Variants in PBX1 observed in about 807,000 individuals in gnomAD.
PBX1 encodes pre-B-cell leukemia transcription factor 1.
In PBX1, 6 loss-of-function variants were observed where a neutral mutation model predicts 53.4. The ratio of observed to expected loss-of-function variants is 0.11; its 90% CI spans 0.06 to 0.22. The LOEUF (loss-of-function observed/expected upper bound fraction) is 0.22, where lower values mean the gene tolerates loss of function less well. Ranked by LOEUF, PBX1 falls within the 10% of genes least tolerant of loss-of-function variation. The pLI is 1.00. For synonymous variants in PBX1, 204 were observed against 212.3 expected (o/e 0.96, Z 0.34); for missense variants, 251 against 551.4 (o/e 0.46, Z 5.46).
At chr1:164,629,679 T>C (rs1357511925) in intron 2 of PBX1, among the ~76,000 whole-genome samples, 1 of 152,228 alleles carries the variant, frequency 6.6e-6, no homozygotes, top group African/African-American at 2.4e-5. Context: ...ATTTGAAAGA[T>C]TTTACTGTCA....
At chr1:164,566,582 T>C (rs1653448612) in intron 2 of PBX1, among the ~76,000 whole-genome samples, 1 of 152,180 alleles carries the variant, frequency 6.6e-6, no homozygotes, top group Admixed American at 6.5e-5. Flanking sequence ...GTTTTGCATA[T>C]GTGTATATAT....
chr1:164,632,856 G>A (rs1194788902), intron 2 of PBX1, among the ~76,000 whole-genome samples: 1 of 152,264 alleles, frequency 6.6e-6, no homozygotes, highest in Admixed American at 6.5e-5. Context: ...TATAATTAAG[G>A]TGACTCTGGA....
At chr1:164,622,362 C>G (rs916167522) in intron 2 of PBX1, among the ~76,000 whole-genome samples, 5 of 152,186 alleles carry the variant, frequency 3.3e-5, no homozygotes, top group African/African-American at 1.2e-4. Context: ...AGCCTAGAAT[C>G]TCTGTGCTGA....
intron 6 of PBX1, chr1:164,813,638 C>G (rs1669731759): frequency 1.3e-5 from 2 of 152,190 alleles, no homozygotes; most frequent in Admixed American, 1.3e-4. Flanking sequence ...AAAATGCACT[C>G]AACACTCCTG....
At chr1:164,733,140 G>C (rs1005898539) in intron 2 of PBX1, among the ~76,000 whole-genome samples, 4 of 152,116 alleles carry the variant, frequency 2.6e-5, no homozygotes, top group Non-Finnish European at 5.9e-5. Flanking sequence ...ACCAGGTTCT[G>C]AGATATTGAT....
At position 164,610,266 on chromosome 1, in the gene PBX1, G is replaced by C. The variant is rs181179990; in HGVS notation, c.265+46955G>C. ...AGAAATGTAAGCTCTGAGCTTGACG[G>C]TGGTCCATGAGCCCCTCCCCTTCTC... is the stretch of plus-strand genomic sequence containing the variant. On this transcript the variant is annotated intron_variant, in intron 2 of 8. Coordinates refer to ENST00000420696, the MANE Select transcript of PBX1 (RefSeq NM_002585.4). Among the ~76,000 whole-genome samples, 44 of 152,216 alleles carry C rather than the reference G, an allele frequency of 2.9e-4. No homozygotes were observed. The Middle Eastern group carries it at 0.01, about 35-fold the overall frequency.
In PBX1 at chr1:164,820,116, A is replaced by T. The variant is rs1321918768; in HGVS notation, c.1042A>T (p.Met348Leu). The T allele has an allele frequency of 1.2e-6, 2 of 1,613,600 alleles. No individual in the cohort carries two copies. Among genetic ancestry groups the T allele is most frequent in the Middle Eastern group, 1.6e-4 (1 of 6,080 alleles). Reference sequence around the variant, plus strand: ...CATGTCAAACTCTGGAGATTTGTTCATGAGCGTGCAGTCACTCAATGGGGA... The same window carrying T: ...CATGTCAAACTCTGGAGATTTGTTCTTGAGCGTGCAGTCACTCAATGGGGA... Reference protein sequence around the residue: ...FNMSNSGDLFMSVQSLNGDSY... With the variant: ...FNMSNSGDLFLSVQSLNGDSY... Residue 348 changes from methionine to leucine, a missense_variant, in exon 7 of 9, where the codon ATG (methionine) becomes TTG (leucine). Transcript: ENST00000420696.
intron 2 of PBX1, among the ~76,000 whole-genome samples, chr1:164,582,447 A>C (rs992256219): frequency 8.5e-5 from 12 of 141,332 alleles, no homozygotes; most frequent in African/African-American, 3.2e-4. Context: ...TTTGAGACGG[A>C]GTTTCGCTCT....
At chr1:164,820,916 A>G (rs776094841) in intron 7 of PBX1, among the ~76,000 whole-genome samples, 4 of 152,204 alleles carry the variant, frequency 2.6e-5, no homozygotes, top group Non-Finnish European at 5.9e-5. Context: ...CCCACCCTCC[A>G]TGTGGAACAA....
At chr1:164,857,439 C>G (rs939882053) in intron 2 of PBX1, among the ~76,000 whole-genome samples, 2 of 152,178 alleles carry the variant, frequency 1.3e-5, no homozygotes, top group African/African-American at 4.8e-5. Context: ...CCCTGAAACC[C>G]ATTGTTTAGG....
At chr1:164,802,606 A>G (rs1669134645) in intron 4 of PBX1, among the ~76,000 whole-genome samples, 1 of 152,210 alleles carries the variant, frequency 6.6e-6, no homozygotes, top group Admixed American at 6.5e-5. Flanking sequence ...ATCCACTTAC[A>G]GGGAAGGTGT....
At chr1:164,874,116 G>A (rs1472820967) in intron 2 of PBX1, among the ~76,000 whole-genome samples, 1 of 152,170 alleles carries the variant, frequency 6.6e-6, no homozygotes, top group Non-Finnish European at 1.5e-5. Flanking sequence ...AGCTGATAAG[G>A]AGGCTGCATC....
At chr1:164,800,668 C>T (rs1472238069) in intron 4 of PBX1, among the ~76,000 whole-genome samples, 4 of 152,132 alleles carry the variant, frequency 2.6e-5, no homozygotes, top group African/African-American at 7.2e-5. Context: ...TAGTAATAGT[C>T]GTCATATCTT....
chr1:164,804,824 C>G (rs1386428411), intron 4 of PBX1, among the ~76,000 whole-genome samples: 3 of 152,180 alleles, frequency 2.0e-5, no homozygotes, highest in Non-Finnish European at 4.4e-5. Context: ...AATGAATGAA[C>G]AAATTAGCAA....
chr1:164,660,780 T>C (rs1304878450), intron 2 of PBX1, among the ~76,000 whole-genome samples: 4 of 152,158 alleles, frequency 2.6e-5, no homozygotes, highest in Non-Finnish European at 2.9e-5. Flanking sequence ...TTAAAGTATA[T>C]TATTTCTTCT....
At position 164,849,370 on chromosome 1, in the gene PBX1, T is replaced by TA. The variant is rs1470231391; in HGVS notation, c.*2695dup. 6.5e-7 allele frequency: 1 copy of TA among 1,535,678 alleles called. No homozygotes were observed. On this transcript the variant is annotated 3_prime_UTR_variant, in exon 9 of 9. Transcript: ENST00000420696. Reference sequence around the variant, plus strand: ...CCCCCGGCACCCCCGGCAAGCCCACTATCACTTCCGACTTCCAACGTGGCA... The same window carrying TA: ...CCCCCGGCACCCCCGGCAAGCCCACTAATCACTTCCGACTTCCAACGTGGCA...
At chr1:164,784,368 A>C (rs564021882) in intron 2 of PBX1, among the ~76,000 whole-genome samples, 1 of 152,322 alleles carries the variant, frequency 6.6e-6, no homozygotes, top group Non-Finnish European at 1.5e-5. Context: ...CCAGCACATT[A>C]GCTTTCTCCC....
At chr1:164,810,466 C>G (rs370805082) in intron 5 of PBX1, among the ~76,000 whole-genome samples, 2 of 152,144 alleles carry the variant, frequency 1.3e-5, no homozygotes, top group Admixed American at 6.5e-5. Flanking sequence ...CTCTTTACCC[C>G]CTTCAGCTCA....
chr1:164,860,115 T>A (rs1461343130), intron 2 of PBX1, among the ~76,000 whole-genome samples: 1 of 152,132 alleles, frequency 6.6e-6, no homozygotes, highest in Non-Finnish European at 1.5e-5. Context: ...CAAGGAGAGG[T>A]GGAAGGATGC....
Sources: gnomAD v4.1 joint callset for allele counts (sites outside exome capture counted in the v4.1 genomes callset) on GRCh38, gnomAD v4.1.1 for gene constraint, MANE v1.5 for transcripts, NCBI Gene and HGNC (gene_info 2026-07-23, HGNC 2026-07-21) for gene names.